The following MFSD12 variants were observed in gnomAD, a reference collection of about 807,000 sequenced individuals.
MFSD12 encodes the protein major facilitator superfamily domain-containing protein 12.
MFSD12 carries 67 observed loss-of-function variants against 51.2 expected under a neutral mutation model. The ratio of observed to expected loss-of-function variants is 1.31; its 90% CI spans 1.08 to 1.60. The LOEUF is 1.60. Among genes scored for constraint, MFSD12 ranks in the 40% most tolerant of loss-of-function variants. The pLI, the probability that MFSD12 is intolerant of heterozygous loss-of-function variation, is 0.00. For synonymous variants in MFSD12, 441 were observed against 316.7 expected (o/e 1.39, Z -4.17); for missense variants, 921 against 673.0 (o/e 1.37, Z -4.08).
Position 3,545,883 on chromosome 19 carries a change from C to T in MFSD12, c.1289+191G>A, listed in dbSNP as rs576029252. ...TTCAGCACTGCACACATGGACCCAACGTTTGTTGAGTGAATAAACGAAGTG... is the reference window on the plus strand; with the variant it reads ...TTCAGCACTGCACACATGGACCCAATGTTTGTTGAGTGAATAAACGAAGTG... On this transcript the variant is annotated intron_variant, in intron 8 of 9. Coordinates refer to ENST00000355415, the MANE Select transcript of MFSD12 (RefSeq NM_174983.5). Among the ~76,000 whole-genome samples, 9 of 152,158 alleles carry T rather than the reference C, an allele frequency of 5.9e-5. 1 individual carries two copies. The highest frequency in any genetic ancestry group is 1.9e-4 in the East Asian group (1 of 5,206).
In MFSD12 at chr19:3,546,251, C is replaced by A. The variant is rs756960550; in HGVS notation, c.1194+4G>T. On this transcript the variant is annotated splice_donor_region_variant and intron_variant, in intron 7 of 9. Coordinates refer to ENST00000355415, the MANE Select transcript of MFSD12 (RefSeq NM_174983.5). Reference sequence around the variant, plus strand: ...CCCCACCCCAGCCTGGCTACCAGCCCTACCGTGTGGGGACCGATGAGGTCG... The same window carrying A: ...CCCCACCCCAGCCTGGCTACCAGCCATACCGTGTGGGGACCGATGAGGTCG... 9 of 1,609,806 alleles carry A rather than the reference C, an allele frequency of 5.6e-6. No individual in the cohort carries two copies. The highest frequency in any genetic ancestry group is 7.6e-6 in the Non-Finnish European group (9 of 1,178,204).
chr19:3,542,828 C>T (rs2030531094), downstream of MFSD12: 2 of 1,375,274 alleles, frequency 1.5e-6, no homozygotes, highest in African/African-American at 1.5e-5. Flanking sequence ...GTGCCAGCCC[C>T]AGACCACTTC....
rs368421649 is a variant in MFSD12, at chr19:3,544,804, C to T, written c.1420+5G>A. The T allele has an allele frequency of 5.7e-5, 92 of 1,611,820 alleles. No homozygotes were observed. The highest frequency in any genetic ancestry group is 1.7e-4 in the Middle Eastern group (1 of 6,026). ...CTGGGGAGGGAGGGGTGGGCCAGGA[C>T]TCACAGCGTCGCAGGCGGGTCGGCC... is the stretch of plus-strand genomic sequence containing the variant. On this transcript the variant is annotated splice_donor_5th_base_variant and intron_variant, in intron 9 of 9. Coordinates refer to ENST00000355415, the MANE Select transcript of MFSD12 (RefSeq NM_174983.5).
downstream of MFSD12, chr19:3,542,495 A>G (rs972538777): frequency 2.0e-6 from 2 of 979,698 alleles, no homozygotes; most frequent in African/African-American, 1.8e-5. Flanking sequence ...TGTTTTTGAG[A>G]CAGAGTCTCA....
At chr19:3,545,994 A>T (rs2030988229) in intron 8 of MFSD12, 80 bp downstream of exon 8, 1 of 1,477,112 alleles carries the variant, frequency 6.8e-7, no homozygotes. Flanking sequence ...GCCCAGACCC[A>T]GAACACTGCT....
rs778936657 is a variant in MFSD12, at chr19:3,551,133, C to T, written c.360G>A (p.Ala120=). The T allele has an allele frequency of 1.2e-5, 20 of 1,612,762 alleles. No individual in the cohort carries two copies. The Admixed American group carries it at 1.3e-4, about 11-fold the overall frequency. ...GGAGGGCAGCCCACTCGGGCGTGGC[C>T]GCCCCACAGCCCAGGCAGGGGCTGA... The part of the protein sequence containing the change: ...FIFSPCLGCG[A]ATPEWAALLY... Residue 120 remains alanine, a synonymous_variant, in exon 2 of 10, where the codon GCG becomes GCA. Transcript: ENST00000355415. This position sits in a 1 kb window ranked among gnomAD's most constrained non-coding sequence, Gnocchi z 4.6.
At position 3,548,025 on chromosome 19, in the gene MFSD12, C is replaced by G. The variant is rs778255735; in HGVS notation, c.660G>C (p.Leu220=). 4 of 1,599,870 alleles carry G rather than the reference C, an allele frequency of 2.5e-6. No homozygotes were observed. Residue 220 remains leucine, a synonymous_variant, in exon 4 of 10, where the codon CTG becomes CTC. Transcript: ENST00000355415. ...GGQDVPVFRN[L]SLLVVGVGAV... ...CGCCGACACCCACCACCAGCAGGGACAGGTTCTGGGGATGCAGCAGAAGCA... is the reference window on the plus strand; with the variant it reads ...CGCCGACACCCACCACCAGCAGGGAGAGGTTCTGGGGATGCAGCAGAAGCA...
intron 2 of MFSD12, 35 bp downstream of exon 2, chr19:3,550,949 A>C: frequency 6.3e-7 from 1 of 1,592,648 alleles, no homozygotes; most frequent in Non-Finnish European, 8.6e-7. Context: ...GCCGGGGCCC[A>C]CCCTGCCCGT....
chr19:3,544,215 T>C lies in MFSD12; in HGVS notation c.*495A>G. On this transcript the variant is annotated 3_prime_UTR_variant, in exon 10 of 10. Transcript: ENST00000355415. ...GAGCCAGGCTGCCGTCATCTCTTTA[T>C]TTGCTGCCAGCAGAGTCCACCAAGC... The C allele has an allele frequency of 7.4e-7, 1 of 1,349,632 alleles. No individual in the cohort carries two copies. The highest frequency in any genetic ancestry group is 9.5e-7 in the Non-Finnish European group (1 of 1,051,646). 83.6% of individuals were successfully genotyped at this position (1,349,632 alleles called of 1,614,324 possible). A position where few individuals can be genotyped will look rare whatever the true frequency, so the allele number is the denominator to read the frequency against.
In MFSD12 at chr19:3,544,228, G is replaced by A. The variant is rs2030736294; in HGVS notation, c.*482C>T. On this transcript the variant is annotated 3_prime_UTR_variant, in exon 10 of 10. Transcript: ENST00000355415. ...GTCATCTCTTTATTTGCTGCCAGCA[G>A]AGTCCACCAAGCCTGCCGGGCAGCC... 7.5e-7 allele frequency: 1 copy of A among 1,338,782 alleles called. No individual in the cohort carries two copies. The highest frequency in any genetic ancestry group is 3.5e-5 in the Admixed American group (1 of 28,328). The allele number at this position is 1,338,782 out of a possible 1,614,324, so 82.9% of individuals were successfully genotyped here.
intron 8 of MFSD12, among the ~76,000 whole-genome samples, chr19:3,545,289 C>T (rs2145181715): frequency 6.6e-6 from 1 of 152,350 alleles, no homozygotes. Context: ...GCGCCTGGGT[C>T]AGGGCCTGTC....
At position 3,557,550 on chromosome 19, in the gene MFSD12, CCCACGTCCG is replaced by C. The variant is rs1217041388; in HGVS notation, c.-156_-148del. On this transcript the variant is annotated 5_prime_UTR_variant, in exon 1 of 10. Transcript: ENST00000355415. The stretch of plus-strand genomic sequence containing the variant: ...CCGCTCTCTTACGGCCGCGCCCTCA[CCCACGTCCG>C]CCGCGTCCGCCCCACGCTCGACTCT... The C allele has an allele frequency of 8.7e-6, 3 of 346,814 alleles. No individual in the cohort carries two copies. Among genetic ancestry groups the C allele is most frequent in the Non-Finnish European group, 1.3e-5 (3 of 223,750 alleles). 21.5% of individuals were successfully genotyped at this position (346,814 alleles called of 1,614,324 possible). A position where few individuals can be genotyped will look rare whatever the true frequency, so the allele number is the denominator to read the frequency against.
In MFSD12 at chr19:3,548,238, G is replaced by A; in HGVS notation, c.539C>T (p.Thr180Ile). Residue 180 changes from threonine to isoleucine, a missense_variant, in exon 3 of 10, where the codon ACC (threonine) becomes ATC (isoleucine). By Grantham distance (89) the Thr-to-Ile change is moderately conservative (BLOSUM62 -1). Coordinates refer to ENST00000355415, the MANE Select transcript of MFSD12 (RefSeq NM_174983.5). ...CAGGAGCCAGGCGGCGCCGTAGACG[G>A]TGATGTTGGCCACCACGGTGAACGC... Reference protein sequence around the residue: ...RYAFTVVANITVYGAAWLLLH... With the variant: ...RYAFTVVANIIVYGAAWLLLH... The A allele has an allele frequency of 1.3e-6, 2 of 1,551,462 alleles. No homozygotes were observed. The highest frequency in any genetic ancestry group is 1.7e-6 in the Non-Finnish European group (2 of 1,148,474).
rs369099260 is a variant in MFSD12 at position 3,547,262 on chromosome 19, G to A, written c.1023+10C>T. 7.0e-5 allele frequency: 112 copies of A among 1,610,556 alleles called. 1 individual carries two copies. Among genetic ancestry groups the A allele is most frequent in the African/African-American group, 4.1e-4 (31 of 75,018 alleles). On this transcript the variant is annotated intron_variant, in intron 6 of 9. Transcript: ENST00000355415. ...TCCGCCCCAGCTGTCCCCGGTCCCCGCCCACTCACGTTCCTCCCAATGCAC... is the reference window on the plus strand; with the variant it reads ...TCCGCCCCAGCTGTCCCCGGTCCCCACCCACTCACGTTCCTCCCAATGCAC...
At chr19:3,541,029 TGTG>T (rs934778372), downstream of MFSD12, among the ~76,000 whole-genome samples, 2 of 129,292 alleles carry the variant, frequency 1.5e-5, no homozygotes, top group Non-Finnish European at 3.3e-5. Flanking sequence ...ATTAGCTGGT[TGTG>T]GTGGCGGGCG....
chr19:3,543,047 C>T (rs1361062664), downstream of MFSD12: 9 of 1,603,738 alleles, frequency 5.6e-6, no homozygotes, highest in Non-Finnish European at 7.7e-6. Flanking sequence ...GGGGAGTCAG[C>T]CTCTCTCCTC....
chr19:3,553,662 C>T (rs1318662653), intron 1 of MFSD12, among the ~76,000 whole-genome samples: 2 of 124,850 alleles, frequency 1.6e-5, no homozygotes, highest in Non-Finnish European at 3.2e-5. Context: ...CCCAGCTACT[C>T]GAGAGGCTGA....
At chr19:3,543,941 G>A, downstream of MFSD12, 4 of 1,551,142 alleles carry the variant, frequency 2.6e-6, no homozygotes, top group Non-Finnish European at 3.5e-6. Context: ...ACCGGGAGTG[G>A]GTCCTGGAAC....
chr19:3,543,660 C>A, downstream of MFSD12: 1 of 1,540,776 alleles, frequency 6.5e-7, no homozygotes, highest in Non-Finnish European at 8.7e-7. Flanking sequence ...AAAGACAGGC[C>A]AATCCGGGGC....
Sources: allele counts gnomAD v4.1 joint callset (sites outside exome capture counted in the v4.1 genomes callset), GRCh38; gene constraint gnomAD v4.1.1; non-coding constraint Gnocchi (gnomAD v3.1); transcripts MANE v1.5; gene names NCBI Gene and HGNC (gene_info 2026-07-23, HGNC 2026-07-21).